The following VCAN variants were observed in gnomAD, a reference collection of about 807,000 sequenced individuals.
The protein encoded by VCAN is versican core protein.
A neutral mutation model predicts 245.5 loss-of-function variants in VCAN; 44 were observed. That is an observed-to-expected ratio of 0.18 (90% CI 0.14 to 0.23). VCAN has a LOEUF of 0.23. Among genes scored for constraint, VCAN ranks in the 10% least tolerant of loss-of-function variants. VCAN has a pLI of 1.00. For synonymous variants in VCAN, 1,413 were observed against 1,437.0 expected (o/e 0.98, Z 0.38); for missense variants, 3,793 against 4,057.9 (o/e 0.93, Z 1.77).
intron 13 of VCAN, among the ~76,000 whole-genome samples, chr5:83,576,245 A>G (rs1359733446): frequency 6.6e-6 from 1 of 152,004 alleles, no homozygotes; most frequent in African/African-American, 2.4e-5. Context: ...TTCTATTATG[A>G]TATACACTTG....
rs145612319 is a variant in VCAN at position 83,541,922 on chromosome 5, G to T, written c.8919G>T (p.Gln2973His). 3.4e-4 allele frequency: 549 copies of T among 1,614,090 alleles called. 1 individual carries two copies. Among genetic ancestry groups the T allele is most frequent in the Middle Eastern group, 6.6e-4 (4 of 6,062 alleles). ...AAATTGAATTAGAAGGTGCTACACAGTGGCCACACTCTACTTCTGCTTCTG... is the reference window on the plus strand; with the variant it reads ...AAATTGAATTAGAAGGTGCTACACATTGGCCACACTCTACTTCTGCTTCTG... Reference protein sequence around the residue: ...ADEIELEGATQWPHSTSASAT... With the variant: ...ADEIELEGATHWPHSTSASAT... Residue 2973 changes from glutamine (Q) to histidine (H), a missense_variant, in exon 8 of 15, where the codon CAG becomes CAT. This residue lies in a region of VCAN where 3,182 missense variants were observed against 3,250.3 expected (regional missense o/e 0.98). Transcript: ENST00000265077.
chr5:83,516,029 G>A (rs980623399), intron 6 of VCAN, among the ~76,000 whole-genome samples: 6 of 152,266 alleles, frequency 3.9e-5, no homozygotes, highest in Non-Finnish European at 7.4e-5. Flanking sequence ...TCAGGAGATC[G>A]AGACCATCCT....
At position 83,547,962 on chromosome 5, in the gene VCAN, T is replaced by G; in HGVS notation, c.9380-9T>G. ...AAGTATTTTGTGAGCTTTTACTATT[T>G]TGTTTCAGATTTTGATGAATGTCAC... On this transcript the variant is annotated splice_polypyrimidine_tract_variant and intron_variant, in intron 9 of 14. Transcript: ENST00000265077. 6.3e-7 allele frequency: 1 copy of G among 1,593,738 alleles called. No individual in the cohort carries two copies. The highest frequency in any genetic ancestry group is 8.6e-7 in the Non-Finnish European group (1 of 1,161,352).
Position 83,574,020 on chromosome 5 carries a change from C to T in VCAN, c.9880+1460C>T, listed in dbSNP as rs578057338. On this transcript the variant is annotated intron_variant, in intron 13 of 14. Coordinates refer to ENST00000265077, the MANE Select transcript of VCAN (RefSeq NM_004385.5). ...AGTACTGTAACTCTCAGTCTGAGACCGAAAGCCTCAAGACCTGGGGGGCCT... is the reference window on the plus strand; with the variant it reads ...AGTACTGTAACTCTCAGTCTGAGACTGAAAGCCTCAAGACCTGGGGGGCCT... Among the ~76,000 whole-genome samples, 7 of 152,222 alleles carry T rather than the reference C, an allele frequency of 4.6e-5. No homozygotes were observed. The South Asian group carries it at 6.2e-4, about 14-fold the overall frequency.
chr5:83,563,041 C>A (rs921875467), intron 12 of VCAN, among the ~76,000 whole-genome samples: 3 of 152,152 alleles, frequency 2.0e-5, no homozygotes, highest in African/African-American at 4.8e-5. Context: ...CAGGAGACCC[C>A]AAGTTAGTTT....
At chr5:83,481,421 T>C (rs1236679529) in intron 1 of VCAN, among the ~76,000 whole-genome samples, 1 of 152,130 alleles carries the variant, frequency 6.6e-6, no homozygotes, top group Non-Finnish European at 1.5e-5. Context: ...TACAATCTTT[T>C]ACTTTGGCTG....
intron 12 of VCAN, among the ~76,000 whole-genome samples, chr5:83,561,371 A>T (rs1045826443): frequency 6.7e-6 from 1 of 150,174 alleles, no homozygotes; most frequent in Non-Finnish European, 1.5e-5. Flanking sequence ...GATATAAACT[A>T]AAAAAAAAAC....
rs1266188047 is a variant in VCAN at position 83,508,650 on chromosome 5, A to T, written c.749-3453A>T. On this transcript the variant is annotated intron_variant, in intron 5 of 14. Transcript: ENST00000265077. Reference sequence around the variant, plus strand: ...TTTCCTTTTCTCATTATTCTGAAATAAAGTAATTATTGCTGAATAAAATAA... The same window carrying T: ...TTTCCTTTTCTCATTATTCTGAAATTAAGTAATTATTGCTGAATAAAATAA... Among the ~76,000 whole-genome samples the T allele has an allele frequency of 3.3e-5, 5 of 152,336 alleles. No individual in the cohort carries two copies. The South Asian group carries it at 1.0e-3, about 32-fold the overall frequency.
chr5:83,538,270 T>C lies in VCAN; in HGVS notation c.5267T>C (p.Leu1756Ser). ...RSDQLILPFE[L>S]ESPNVATSSD... ...GATCAATTAATTTTACCCTTTGAAT[T>C]AGAAAGTCCAAATGTAGCTACATCT... Residue 1756 changes from leucine (L) to serine (S), a missense_variant, in exon 8 of 15, where the codon TTA becomes TCA. Leu to Ser is a moderately radical substitution (Grantham distance 145, BLOSUM62 -2). Around this residue, in one of 5 missense-constraint regions of VCAN, gnomAD observed 3,182 missense variants for 3,250.3 expected, o/e 0.98. Coordinates refer to ENST00000265077, the MANE Select transcript of VCAN (RefSeq NM_004385.5). 1 of 1,613,982 alleles carries C rather than the reference T, an allele frequency of 6.2e-7. No individual in the cohort carries two copies.
At chr5:83,479,404 A>G (rs1744535477) in intron 1 of VCAN, among the ~76,000 whole-genome samples, 1 of 152,112 alleles carries the variant, frequency 6.6e-6, no homozygotes, top group Admixed American at 6.5e-5. Context: ...TTTCTCATGG[A>G]TAGGAGTTCC....
At chr5:83,496,437 C>T (rs1007590253) in intron 5 of VCAN, among the ~76,000 whole-genome samples, 8 of 152,152 alleles carry the variant, frequency 5.3e-5, no homozygotes, top group Admixed American at 5.2e-4. Flanking sequence ...ACCAAATCAA[C>T]AGAATTTTCA....
rs267600719 is a variant in VCAN at position 83,521,413 on chromosome 5, C to G, written c.3107C>G (p.Pro1036Arg). ...GAGGGAACAACTCAGGAAGAATTCC[C>G]TTGGAAAGAACAGACTGCAGAGAAA... ...ITEGTTQEEF[P>R]WKEQTAEKPV... The change falls in exon 7 of 15, where the codon CCT (proline) becomes CGT (arginine). Residue 1036 changes from proline (P) to arginine (R), a missense_variant. Around this residue, in one of 5 missense-constraint regions of VCAN, gnomAD observed 3,182 missense variants for 3,250.3 expected, o/e 0.98. Transcript: ENST00000265077. The G allele has an allele frequency of 1.1e-5, 17 of 1,614,090 alleles. No homozygotes were observed. The South Asian group carries it at 1.8e-4, about 17-fold the overall frequency.
Position 83,482,251 on chromosome 5 carries a change from G to A in VCAN, c.-6-1262G>A, listed in dbSNP as rs796667248. On this transcript the variant is annotated intron_variant, in intron 1 of 14. Transcript: ENST00000265077. ...AGCAGAAAGATTCCAGCATGATAAT[G>A]TCCAGGGAAGAAAACTGACCACCTC... 2.6e-5 allele frequency among the ~76,000 whole-genome samples: 4 copies of A among 152,164 alleles called. No homozygotes were observed. The South Asian group carries it at 8.3e-4, about 32-fold the overall frequency.
intron 5 of VCAN, among the ~76,000 whole-genome samples, chr5:83,496,135 T>A (rs547462275): frequency 6.6e-6 from 1 of 152,216 alleles, no homozygotes; most frequent in Non-Finnish European, 1.5e-5. Flanking sequence ...ACTGTCTTCA[T>A]TGAACGATGG....
intron 12 of VCAN, among the ~76,000 whole-genome samples, chr5:83,564,365 A>G (rs770816892): frequency 2.6e-5 from 4 of 152,172 alleles, no homozygotes; most frequent in Non-Finnish European, 5.9e-5. Flanking sequence ...ACAGAACTAC[A>G]CCCAGATACA....
chr5:83,539,605 A>C lies in VCAN; in HGVS notation c.6602A>C (p.Glu2201Ala). 1 of 1,614,092 alleles carries C rather than the reference A, an allele frequency of 6.2e-7. No homozygotes were observed. The highest frequency in any genetic ancestry group is 1.7e-5 in the Admixed American group (1 of 60,010). Residue 2201 changes from glutamate (E) to alanine (A), a missense_variant, in exon 8 of 15, where the codon GAA (glutamate) becomes GCA (alanine). This residue lies in a region of VCAN where 3,182 missense variants were observed against 3,250.3 expected (regional missense o/e 0.98). Transcript: ENST00000265077. ...TACACAACTCTCCCTGAAGCTACTG[A>C]AAAGTCACATTTTTTCTTAGCTACT... Reference protein sequence around the residue: ...ESYTTLPEATEKSHFFLATAL... With the variant: ...ESYTTLPEATAKSHFFLATAL...
intron 7 of VCAN, among the ~76,000 whole-genome samples, chr5:83,530,925 TAGAG>T (rs200385122): frequency 0.011 from 1,675 of 152,154 alleles, 14 homozygotes; most frequent in Non-Finnish European, 0.015. Context: ...TCGTGTTCCT[TAGAG>T]AGAGAGTGCC....
intron 1 of VCAN, among the ~76,000 whole-genome samples, chr5:83,475,740 C>G (rs937545129): frequency 6.6e-6 from 1 of 152,150 alleles, no homozygotes; most frequent in Non-Finnish European, 1.5e-5. Context: ...TGTGATTGAG[C>G]AATTACTTCC....
intron 7 of VCAN, among the ~76,000 whole-genome samples, chr5:83,533,940 C>T (rs1270793905): frequency 2.0e-5 from 3 of 152,058 alleles, no homozygotes; most frequent in Non-Finnish European, 4.4e-5. Context: ...ATTAAGTATT[C>T]TTAATATGAG....
Sources: allele counts gnomAD v4.1 joint callset (sites outside exome capture counted in the v4.1 genomes callset), GRCh38; gene constraint gnomAD v4.1.1; regional missense constraint gnomAD v4.1.1; transcripts MANE v1.5; gene names NCBI Gene and HGNC (gene_info 2026-07-23, HGNC 2026-07-21).